The following MRNIP variants were observed in gnomAD, a reference collection of about 807,000 sequenced individuals.
MRNIP encodes MRN complex interacting protein.
Under a neutral mutation model 29.8 loss-of-function variants are expected in MRNIP, and 30 were observed. The ratio of observed to expected loss-of-function variants is 1.01; its 90% CI spans 0.75 to 1.36. The LOEUF (loss-of-function observed/expected upper bound fraction) is 1.36, where lower values mean the gene tolerates loss of function less well. Ranked by LOEUF, MRNIP falls within the 40% of genes most tolerant of loss-of-function variation. The probability of loss-of-function intolerance (pLI) is 0.00; values close to 1 mark genes in which losing one functional copy is unlikely to be tolerated. For missense variants in MRNIP, 459 were observed against 423.5 expected (o/e 1.08, Z -0.74); for synonymous variants, 201 against 164.1 (o/e 1.23, Z -1.72).
intron 3 of MRNIP, 138 bp from the exon 4 acceptor site, chr5:179,844,365 G>A (rs564813007): frequency 9.2e-5 from 61 of 660,346 alleles, no homozygotes; most frequent in African/African-American, 9.0e-4. Flanking sequence ...CAAGTCTGAC[G>A]AACACGGTGG....
intron 1 of MRNIP, among the ~76,000 whole-genome samples, chr5:179,857,205 G>A (rs10434803): frequency 0.42 from 63,178 of 152,118 alleles, 14,565 homozygotes; most frequent in East Asian, 0.78. Flanking sequence ...CACCAGCACT[G>A]TAATCCCAGC....
intron 3 of MRNIP, among the ~76,000 whole-genome samples, chr5:179,844,840 G>A (rs952981713): frequency 4.6e-5 from 7 of 152,130 alleles, no homozygotes; most frequent in African/African-American, 1.4e-4. Flanking sequence ...ATTAGTTCTA[G>A]TAGCTTTTTT....
intron 3 of MRNIP, among the ~76,000 whole-genome samples, chr5:179,846,687 G>A (rs1430369626): frequency 6.6e-6 from 1 of 152,134 alleles, no homozygotes; most frequent in Non-Finnish European, 1.5e-5. Flanking sequence ...TCTGCTTGAG[G>A]CTTTTCACAC....
intron 1 of MRNIP, among the ~76,000 whole-genome samples, chr5:179,854,412 G>T (rs966406452): frequency 6.6e-6 from 1 of 152,182 alleles, no homozygotes; most frequent in Admixed American, 6.5e-5. Flanking sequence ...CATAAAGGTG[G>T]TACTTTAAAA....
chr5:179,852,991 A>C (rs1561622660), intron 2 of MRNIP, among the ~76,000 whole-genome samples: 1 of 152,170 alleles, frequency 6.6e-6, no homozygotes, highest in Non-Finnish European at 1.5e-5. Flanking sequence ...ATCTTCTCAC[A>C]GTCCCCAGTG....
chr5:179,849,778 A>G (rs1171200665), intron 2 of MRNIP, among the ~76,000 whole-genome samples: 2 of 151,426 alleles, frequency 1.3e-5, no homozygotes, highest in East Asian at 3.9e-4. Context: ...GGATCCTGCA[A>G]TGACACAGGC....
intron 2 of MRNIP, among the ~76,000 whole-genome samples, chr5:179,852,252 C>T (rs1359096168): frequency 6.6e-6 from 1 of 151,356 alleles, no homozygotes; most frequent in Non-Finnish European, 1.5e-5. Flanking sequence ...CGCCACTGCA[C>T]TCCAGCCTGC....
At chr5:179,844,103 C>T in intron 4 of MRNIP, 49 bp downstream of exon 4, 1 of 1,466,936 alleles carries the variant, frequency 6.8e-7, no homozygotes, top group Non-Finnish European at 9.5e-7. Context: ...GTGCATTCAT[C>T]CCTTCCCTGA....
rs1192767044 is a variant in MRNIP at position 179,839,730 on chromosome 5, C to G, written c.537+1142G>C. 5 of 152,952 alleles carry G rather than the reference C, an allele frequency of 3.3e-5. No individual in the cohort carries two copies. The East Asian group carries it at 9.6e-4, about 29-fold the overall frequency. The allele number at this position is 152,952 out of a possible 1,614,324, so 9.5% of individuals were successfully genotyped here. On this transcript the variant is annotated intron_variant, in intron 6 of 6. Transcript: ENST00000292586. ...GGCAGTGACTGACGCCCAGTGGACT[C>G]CCAACTGCAGTGCCCTTGCTGTGCC...
At chr5:179,849,014 C>A (rs867048264) in intron 2 of MRNIP, among the ~76,000 whole-genome samples, 1 of 132,434 alleles carries the variant, frequency 7.6e-6, no homozygotes, top group Non-Finnish European at 1.6e-5. Context: ...GAATTTGAGA[C>A]CATGGGTCCT....
intron 2 of MRNIP, among the ~76,000 whole-genome samples, chr5:179,852,758 G>A (rs1364058930): frequency 2.0e-5 from 3 of 152,210 alleles, no homozygotes; most frequent in Non-Finnish European, 4.4e-5. Context: ...CAGGAAAAGA[G>A]CAAGTTCAGT....
rs1442170002 is a variant in MRNIP at position 179,841,932 on chromosome 5, A to T, written c.424T>A (p.Phe142Ile). The T allele has an allele frequency of 6.2e-7, 1 of 1,613,902 alleles. No homozygotes were observed. The highest frequency in any genetic ancestry group is 1.3e-5 in the African/African-American group (1 of 74,892). Residue 142 changes from phenylalanine (F) to isoleucine (I), a missense_variant, in exon 5 of 7, where the codon TTC becomes ATC. Phe to Ile is a conservative substitution (Grantham distance 21). Coordinates refer to ENST00000292586, the MANE Select transcript of MRNIP (RefSeq NM_016175.4). ...CTTTTTCTAGGCAGGTCTTGACTGA[A>T]GCGGGGGCCTGGCTCCTCCATTTTG... is the stretch of plus-strand genomic sequence containing the variant. ...SSKMEEPGPR[F>I]SQDLPRKRKW...
At chr5:179,845,636 C>T (rs140340139) in intron 3 of MRNIP, among the ~76,000 whole-genome samples, 2,747 of 151,616 alleles carry the variant, frequency 0.018, 98 homozygotes, top group African/African-American at 0.064. Context: ...GCTGGGATTA[C>T]AGGCATGTGC....
intron 4 of MRNIP, among the ~76,000 whole-genome samples, chr5:179,842,526 A>C (rs1323257629): frequency 2.0e-5 from 3 of 147,102 alleles, no homozygotes; most frequent in African/African-American, 7.5e-5. Flanking sequence ...TAAAAAAAAA[A>C]CAACAACAAA....
intron 4 of MRNIP, among the ~76,000 whole-genome samples, chr5:179,842,567 G>A (rs1300714155): frequency 6.6e-6 from 1 of 151,110 alleles, no homozygotes; most frequent in Non-Finnish European, 1.5e-5. Context: ...GGGCGTGATG[G>A]CAGGCACCTG....
intron 4 of MRNIP, among the ~76,000 whole-genome samples, chr5:179,842,542 A>C (rs902564734): frequency 3.3e-5 from 5 of 150,426 alleles, no homozygotes; most frequent in South Asian, 2.1e-4. Context: ...ACAAAAAAAA[A>C]ACAAAAAATT....
rs142061446 is a variant in MRNIP, at chr5:179,837,441, G to A, written c.982C>T (p.Arg328Ter). Residue 328 changes from arginine (R) to a stop codon, truncating the protein, a stop_gained, in exon 7 of 7, where the codon CGA becomes TGA. Transcript: ENST00000292586. LOFTEE classifies it high-confidence loss of function. ...VLEAQNPRPT[R>*]LCDLFITGED... The stretch of plus-strand genomic sequence containing the variant: ...CCAGTTATAAAGAGGTCACATAGTC[G>A]TGTGGGTCGAGGATTCTGTGCCTCC... 9.9e-6 allele frequency: 16 copies of A among 1,610,516 alleles called. No homozygotes were observed. Among genetic ancestry groups the A allele is most frequent in the South Asian group, 3.3e-5 (3 of 90,884 alleles).
chr5:179,849,300 G>A (rs577049028), intron 2 of MRNIP, among the ~76,000 whole-genome samples: 2 of 151,242 alleles, frequency 1.3e-5, no homozygotes, highest in South Asian at 4.2e-4. Flanking sequence ...GATGGTACGA[G>A]ATGGAATTTG....
In MRNIP at chr5:179,844,134, G is replaced by A. The variant is rs1561617601; in HGVS notation, c.291+18C>T. 6.2e-7 allele frequency: 1 copy of A among 1,611,680 alleles called. No homozygotes were observed. Among genetic ancestry groups the A allele is most frequent in the South Asian group, 1.1e-5 (1 of 91,020 alleles). On this transcript the variant is annotated intron_variant, in intron 4 of 6. Transcript: ENST00000292586. ...CCTGACACAGAGCCAGCCTGGGGCA[G>A]GTGGGCCTGAGGCTTACCTGCTGCT...
Sources: gnomAD v4.1 joint callset for allele counts (sites outside exome capture counted in the v4.1 genomes callset) on GRCh38, gnomAD v4.1.1 for gene constraint, MANE v1.5 for transcripts, NCBI Gene and HGNC (gene_info 2026-07-23, HGNC 2026-07-21) for gene names.